Variants in TRDN observed in about 807,000 individuals in gnomAD.
The protein encoded by TRDN is triadin.
In TRDN, 161 loss-of-function variants were observed where a neutral mutation model predicts 149.7. That is an observed-to-expected ratio of 1.08 (90% confidence interval 0.95 to 1.23). TRDN has a LOEUF of 1.23. Among genes scored for constraint, TRDN ranks in the 50% most tolerant of loss-of-function variants. The pLI, the probability that TRDN is intolerant of heterozygous loss-of-function variation, is 0.00. For synonymous variants in TRDN, 294 were observed against 250.5 expected (o/e 1.17, Z -1.64); for missense variants, 896 against 823.5 (o/e 1.09, Z -1.08).
At chr6:123,486,253 CTT>C (rs574124381) in intron 9 of TRDN, among the ~76,000 whole-genome samples, 14 of 141,894 alleles carry the variant, frequency 9.9e-5, no homozygotes, top group Admixed American at 2.1e-4. Flanking sequence ...GGTGTAACTT[CTT>C]TTTTTTTTTT....
intron 2 of TRDN, among the ~76,000 whole-genome samples, chr6:123,564,918 G>A (rs1782201243): frequency 6.6e-6 from 1 of 152,152 alleles, no homozygotes; most frequent in Non-Finnish European, 1.5e-5. Context: ...TTCCTCTAAT[G>A]GATGAGGATG....
chr6:123,219,775 C>T (rs1775079854), intron 40 of TRDN, among the ~76,000 whole-genome samples: 1 of 151,794 alleles, frequency 6.6e-6, no homozygotes, highest in Non-Finnish European at 1.5e-5. Flanking sequence ...AATAATACAA[C>T]TTCCGTCTCT....
chr6:123,625,844 T>C (rs1785635437), intron 1 of TRDN, among the ~76,000 whole-genome samples: 1 of 152,194 alleles, frequency 6.6e-6, no homozygotes, highest in African/African-American at 2.4e-5. Flanking sequence ...CTTGCCTTAA[T>C]ATTTATGGCT....
At position 123,408,232 on chromosome 6, in the gene TRDN, C is replaced by T. The variant is rs139950545; in HGVS notation, c.1052-14555G>A. On this transcript the variant is annotated intron_variant, in intron 12 of 40. Transcript: ENST00000334268. ...TTATCTTGTTCATCCCAACACTGTG[C>T]TCACAATACTTCATCATCAAAATCT... 4.4e-3 allele frequency among the ~76,000 whole-genome samples: 667 copies of T among 152,274 alleles called. 5 individuals carry two copies. Among genetic ancestry groups the T allele is most frequent in the African/African-American group, 0.015 (632 of 41,544 alleles).
intron 24 of TRDN, among the ~76,000 whole-genome samples, chr6:123,304,055 TA>T (rs1486117596): frequency 6.6e-6 from 1 of 151,978 alleles, no homozygotes; most frequent in East Asian, 1.9e-4. Context: ...TAAGCCAATG[TA>T]ACTGAATGGC....
At chr6:123,390,975 T>A (rs370365383) in intron 13 of TRDN, among the ~76,000 whole-genome samples, 24 of 152,050 alleles carry the variant, frequency 1.6e-4, no homozygotes, top group Non-Finnish European at 3.1e-4. Flanking sequence ...ACATACCCCA[T>A]CTTTTAAGCC....
At chr6:123,458,608 T>C (rs551427101) in intron 10 of TRDN, among the ~76,000 whole-genome samples, 7 of 152,164 alleles carry the variant, frequency 4.6e-5, no homozygotes, top group Non-Finnish European at 1.0e-4. Context: ...TTAACATAAA[T>C]AATATTTTCT....
intron 19 of TRDN, among the ~76,000 whole-genome samples, chr6:123,369,458 T>G (rs942824862): frequency 1.8e-4 from 28 of 152,096 alleles, no homozygotes; most frequent in African/African-American, 6.5e-4. Context: ...TGAGCAGTCA[T>G]CGAAGCTGAA....
intron 10 of TRDN, among the ~76,000 whole-genome samples, chr6:123,451,183 C>T (rs1562320621): frequency 6.6e-6 from 1 of 151,856 alleles, no homozygotes; most frequent in Non-Finnish European, 1.5e-5. Context: ...GGTCACACCT[C>T]ATAGAACTAG....
intron 10 of TRDN, among the ~76,000 whole-genome samples, chr6:123,444,194 A>C (rs1453777301): frequency 2.1e-5 from 3 of 141,826 alleles, no homozygotes; most frequent in African/African-American, 2.9e-5. Flanking sequence ...CTTTTATTTC[A>C]TTGAGCAGTG....
chr6:123,463,120 G>C (rs1204258723), intron 10 of TRDN: 1 of 152,184 alleles, frequency 6.6e-6, no homozygotes, highest in South Asian at 2.1e-4. Flanking sequence ...GGTGGATCAC[G>C]AGGTCAGGAG....
intron 24 of TRDN, among the ~76,000 whole-genome samples, chr6:123,299,753 G>C (rs780059647): frequency 4.6e-5 from 7 of 151,924 alleles, no homozygotes; most frequent in Non-Finnish European, 7.4e-5. Context: ...AATGAGCTAA[G>C]AGCATTGTTT....
At chr6:123,613,209 C>T (rs181962532) in intron 1 of TRDN, among the ~76,000 whole-genome samples, 2 of 152,288 alleles carry the variant, frequency 1.3e-5, no homozygotes, top group Admixed American at 6.5e-5. Flanking sequence ...AAAACAGACT[C>T]ATGATTTGGG....
chr6:123,254,183 A>G (rs1304054638), intron 37 of TRDN, among the ~76,000 whole-genome samples: 2 of 152,130 alleles, frequency 1.3e-5, no homozygotes, highest in South Asian at 2.1e-4. Context: ...AGGATATTAA[A>G]CAATATTTAA....
At chr6:123,506,114 T>C (rs923451985) in intron 7 of TRDN, among the ~76,000 whole-genome samples, 1 of 152,174 alleles carries the variant, frequency 6.6e-6, no homozygotes, top group African/African-American at 2.4e-5. Flanking sequence ...AGTGTCTGTC[T>C]GGAAAGAAAG....
chr6:123,495,582 T>C (rs924635107), intron 9 of TRDN, among the ~76,000 whole-genome samples: 1 of 150,946 alleles, frequency 6.6e-6, no homozygotes, highest in Non-Finnish European at 1.5e-5. Flanking sequence ...CCCAGGCTGG[T>C]CTCAAACTCC....
intron 1 of TRDN, among the ~76,000 whole-genome samples, chr6:123,581,685 C>T (rs899185735): frequency 6.6e-6 from 1 of 152,144 alleles, no homozygotes; most frequent in Non-Finnish European, 1.5e-5. Flanking sequence ...AAAAACATGT[C>T]TGTTCAAGAG....
intron 38 of TRDN, among the ~76,000 whole-genome samples, chr6:123,236,913 G>T (rs1775808184): frequency 6.6e-6 from 1 of 151,836 alleles, no homozygotes; most frequent in Admixed American, 6.6e-5. Flanking sequence ...TTTAGCTATT[G>T]TAAAAGAGAT....
intron 1 of TRDN, among the ~76,000 whole-genome samples, chr6:123,579,209 T>A (rs1783001911): frequency 6.6e-6 from 1 of 152,136 alleles, no homozygotes. Flanking sequence ...GAGCATCATT[T>A]TCTTGTGCTG....
Sources: allele counts gnomAD v4.1 joint callset (sites outside exome capture counted in the v4.1 genomes callset), GRCh38; gene constraint gnomAD v4.1.1; transcripts MANE v1.5; gene names NCBI Gene and HGNC (gene_info 2026-07-23, HGNC 2026-07-21).